Variants in LAMP2 observed in about 807,000 individuals in gnomAD.
LAMP2 encodes lysosome-associated membrane glycoprotein 2.
LAMP2 carries 4 observed loss-of-function variants against 25.6 expected under a neutral mutation model. The ratio of observed to expected loss-of-function variants is 0.16; its 90% CI spans 0.08 to 0.36. The LOEUF (loss-of-function observed/expected upper bound fraction) is 0.36, where lower values mean the gene tolerates loss of function less well. Among genes scored for constraint, LAMP2 ranks in the 10% least tolerant of loss-of-function variants. The pLI is 1.00. For synonymous variants in LAMP2, 108 were observed against 112.7 expected, an observed-to-expected ratio of 0.96 and a Z score of 0.27; for missense variants, 272 against 301.4, an observed-to-expected ratio of 0.90 and a Z score of 0.72.
intron 8 of LAMP2, chrX:120,438,022 A>G (rs1278694986): frequency 8.4e-6 from 2 of 238,930 alleles, no homozygotes; most frequent in Non-Finnish European, 1.2e-5. Flanking sequence ...CGCCCAGCTA[A>G]TTTTTTGTAT....
Position 120,469,260 on chromosome X carries a change from G to A in LAMP2, c.-91C>T. 5.5e-6 allele frequency: 5 copies of A among 914,430 alleles called. No individual in the cohort carries two copies. Among genetic ancestry groups the A allele is most frequent in the Non-Finnish European group, 7.9e-6 (5 of 633,511 alleles). 75.4% of individuals were successfully genotyped at this position (914,430 alleles called of 1,213,427 possible). ...AAAAGGCTCGCTGGACCTGGGTCAA[G>A]AGCACTGATGACCACCGACCACAGC... On this transcript the variant is annotated 5_prime_UTR_variant, in exon 1 of 9. Coordinates refer to ENST00000200639, the MANE Select transcript of LAMP2 (RefSeq NM_002294.3).
chrX:120,439,657 A>G (rs770426018), intron 8 of LAMP2, among the ~76,000 whole-genome samples: 2 of 109,820 alleles, frequency 1.8e-5, no homozygotes, highest in Admixed American at 2.0e-4. Flanking sequence ...TATATAATGC[A>G]CACATTATAT....
chrX:120,458,271 A>G (rs1209546103), intron 1 of LAMP2, among the ~76,000 whole-genome samples: 1 of 111,945 alleles, frequency 8.9e-6, no homozygotes, highest in African/African-American at 3.2e-5. Flanking sequence ...CAAAACATTC[A>G]AAAGTATTGA....
intron 6 of LAMP2, among the ~76,000 whole-genome samples, chrX:120,444,824 C>T (rs960998784): frequency 8.9e-6 from 1 of 111,859 alleles, no homozygotes; most frequent in African/African-American, 3.3e-5. Context: ...ATAACGCACT[C>T]GAATTCTATA....
At chrX:120,462,019 T>C (rs1349976439) in intron 1 of LAMP2, among the ~76,000 whole-genome samples, 1 of 111,966 alleles carries the variant, frequency 8.9e-6, no homozygotes, top group Non-Finnish European at 1.9e-5. Flanking sequence ...TCCATCCTTA[T>C]TGCTGTGTTT....
At position 120,450,109 on chromosome X, in the gene LAMP2, CT is replaced by C. The variant is rs971965041; in HGVS notation, c.398-982del. ...AGTAAGTTATATTAACTCCAATGAG[CT>C]TATAGAACCGCTTCCTGGATTACAT... On this transcript the variant is annotated intron_variant, in intron 3 of 8. Coordinates refer to ENST00000200639, the MANE Select transcript of LAMP2 (RefSeq NM_002294.3). 1.2e-4 allele frequency among the ~76,000 whole-genome samples: 14 copies of C among 112,270 alleles called. No homozygotes were observed. The Admixed American group carries it at 1.3e-3, about 11-fold the overall frequency.
chrX:120,458,452 C>G (rs1186546019), intron 1 of LAMP2, among the ~76,000 whole-genome samples: 2 of 111,610 alleles, frequency 1.8e-5, no homozygotes, highest in Non-Finnish European at 3.8e-5. Context: ...GTGGTTCAAA[C>G]GTATCACTTA....
rs1222091061 is a variant in LAMP2 at position 120,440,749 on chromosome X, T to C, written c.1093+981A>G. 4.4e-5 allele frequency among the ~76,000 whole-genome samples: 5 copies of C among 112,393 alleles called. No individual in the cohort carries two copies. The East Asian group carries it at 1.4e-3, about 31-fold the overall frequency. On this transcript the variant is annotated intron_variant, in intron 8 of 8. Coordinates refer to ENST00000200639, the MANE Select transcript of LAMP2 (RefSeq NM_002294.3). ...TAAAGCTACTAAAGGATCAAAATAA[T>C]TGAAGTACATAAGCAAAACAGACAA...
intron 8 of LAMP2, chrX:120,438,572 G>T: frequency 1.3e-6 from 1 of 751,778 alleles, no homozygotes; most frequent in Non-Finnish European, 1.6e-6. Context: ...AAAGGCATTA[G>T]AAAAGCATTT....
At chrX:120,448,365 A>G (rs975507031) in intron 4 of LAMP2, among the ~76,000 whole-genome samples, 3 of 112,343 alleles carry the variant, frequency 2.7e-5, no homozygotes, top group Non-Finnish European at 5.6e-5. Context: ...CAGAGAGTTA[A>G]GTCTTAAATT....
intron 1 of LAMP2, among the ~76,000 whole-genome samples, chrX:120,466,170 C>T (rs953170766): frequency 8.9e-6 from 1 of 111,855 alleles, no homozygotes; most frequent in Non-Finnish European, 1.9e-5. Context: ...AGCAGATGAG[C>T]TGATGGGTTC....
At chrX:120,456,500 TA>T (rs1379625320) in intron 2 of LAMP2, 150 bp downstream of exon 2, 1 of 394,691 alleles carries the variant, frequency 2.5e-6, no homozygotes, top group Non-Finnish European at 4.5e-6. Flanking sequence ...CTAAACAGAA[TA>T]ACTTCTGAGT....
chrX:120,436,730 A>G, intron 8 of LAMP2: 1 of 725,949 alleles, frequency 1.4e-6, no homozygotes. Flanking sequence ...AAAACTACAA[A>G]AGGTACAAAG....
At chrX:120,461,972 T>C (rs1921329622) in intron 1 of LAMP2, among the ~76,000 whole-genome samples, 1 of 111,836 alleles carries the variant, frequency 8.9e-6, no homozygotes, top group African/African-American at 3.3e-5. Flanking sequence ...ACAGTTGAAA[T>C]ATTTACACTT....
intron 1 of LAMP2, among the ~76,000 whole-genome samples, chrX:120,467,438 TC>T (rs745401042): frequency 6.6e-4 from 74 of 111,945 alleles, no homozygotes; most frequent in Admixed American, 1.1e-3. Context: ...TTGCCAAATG[TC>T]CCCTGGTTGA....
intron 8 of LAMP2, chrX:120,437,335 A>G (rs1484305608): frequency 2.7e-6 from 2 of 744,173 alleles, no homozygotes; most frequent in African/African-American, 4.8e-5. Flanking sequence ...GTGTGTATTG[A>G]TCCATTCAAT....
Position 120,428,368 on chromosome X carries a change from T to C in LAMP2, c.*2955A>G, listed in dbSNP as rs1275264834. On this transcript the variant is annotated 3_prime_UTR_variant, in exon 9 of 9. Transcript: ENST00000200639. ...ACTCATGCCCAAGTTAGCTAGGAAC[T>C]CACTGAAGTTAGTCTGCATATCTTA... is the stretch of plus-strand genomic sequence containing the variant. 1.0e-5 allele frequency: 10 copies of C among 972,782 alleles called. No individual in the cohort carries two copies. The highest frequency in any genetic ancestry group is 1.3e-5 in the Non-Finnish European group (10 of 757,068). 80.2% of individuals were successfully genotyped at this position (972,782 alleles called of 1,213,427 possible).
At chrX:120,439,138 C>G (rs796500779) in intron 8 of LAMP2, 2 of 1,208,120 alleles carry the variant, frequency 1.7e-6, no homozygotes, top group African/African-American at 1.8e-5. Flanking sequence ...TAACAGAGAT[C>G]ACGTATTGAT....
At position 120,430,973 on chromosome X, in the gene LAMP2, A is replaced by G. The variant is rs758434357; in HGVS notation, c.*350T>C. The G allele has an allele frequency of 3.6e-6, 3 of 835,475 alleles. No homozygotes were observed. The East Asian group carries it at 2.7e-4, about 74-fold the overall frequency. The allele number at this position is 835,475 out of a possible 1,213,427, so 68.9% of individuals were successfully genotyped here. ...TGACATTTATTAATTCCATTAAGACACAACTACATATTTTATTCTTATAAT... is the reference window on the plus strand; with the variant it reads ...TGACATTTATTAATTCCATTAAGACGCAACTACATATTTTATTCTTATAAT... On this transcript the variant is annotated 3_prime_UTR_variant, in exon 9 of 9. Coordinates refer to ENST00000200639, the MANE Select transcript of LAMP2 (RefSeq NM_002294.3).
Sources: allele counts gnomAD v4.1 joint callset (sites outside exome capture counted in the v4.1 genomes callset), GRCh38; gene constraint gnomAD v4.1.1; transcripts MANE v1.5; gene names NCBI Gene and HGNC (gene_info 2026-07-23, HGNC 2026-07-21).